UQCC6: variants seen among roughly 807,000 people sequenced by gnomAD.
The protein encoded by UQCC6 is ubiquinol-cytochrome c reductase complex assembly factor 6.
the UQCC6 span, among the ~76,000 whole-genome samples, chr12:103,959,584 C>T: frequency 7.9e-5 from 12 of 151,418 alleles, no homozygotes; most frequent in Non-Finnish European, 1.0e-4. Flanking sequence ...TGGTGGTGTG[C>T]GCCTGTAGTC....
At chr12:103,965,056 A>G in the UQCC6 span, among the ~76,000 whole-genome samples, 72 of 152,346 alleles carry the variant, frequency 4.7e-4, no homozygotes, top group African/African-American at 1.7e-3. Context: ...CTATATGAAT[A>G]AACTCAGGAA....
At chr12:103,964,131 CTTTTTTTTTTTTTTTTTTTTTTTT>C in the UQCC6 span, among the ~76,000 whole-genome samples, 4 of 69,470 alleles carry the variant, frequency 5.8e-5, no homozygotes, top group Non-Finnish European at 7.7e-5. Flanking sequence ...CTCCCATAAG[CTTTTTTTTTTTTTTTTTTTTTTTT>C]TTTTTTTTTT....
At chr12:103,959,648 G>T in the UQCC6 span, among the ~76,000 whole-genome samples, 1 of 151,778 alleles carries the variant, frequency 6.6e-6, no homozygotes, top group African/African-American at 2.4e-5. Flanking sequence ...GGAGGTGGAG[G>T]TTGCAGTGAG....
chr12:103,958,430 C>A, the UQCC6 span, among the ~76,000 whole-genome samples: 8 of 152,262 alleles, frequency 5.3e-5, no homozygotes, highest in African/African-American at 9.6e-5. Flanking sequence ...TCAAAAGTTT[C>A]TTAGTGCTTC....
chr12:103,951,602 C>G, the UQCC6 span: 1 of 1,544,644 alleles, frequency 6.5e-7, no homozygotes, highest in Non-Finnish European at 8.7e-7. Context: ...TTTGAGTTCT[C>G]CACGCTTTGG....
the UQCC6 span, among the ~76,000 whole-genome samples, chr12:103,953,074 G>C: frequency 6.6e-6 from 1 of 152,232 alleles, no homozygotes; most frequent in African/African-American, 2.4e-5. Flanking sequence ...GGAGAGTTCT[G>C]AGAAGAGTGG....
the UQCC6 span, among the ~76,000 whole-genome samples, chr12:103,952,747 G>C: frequency 6.6e-6 from 1 of 152,122 alleles, no homozygotes; most frequent in Admixed American, 6.5e-5. Flanking sequence ...GTTTTGATTT[G>C]CCTTTCTCTG....
At chr12:103,956,489 A>C in the UQCC6 span, 1 of 625,572 alleles carries the variant, frequency 1.6e-6, no homozygotes, top group Non-Finnish European at 2.9e-6. Context: ...ATTTCGTTCA[A>C]GATCACTTTT....
At chr12:103,954,738 C>T in the UQCC6 span, 1 of 518,350 alleles carries the variant, frequency 1.9e-6, no homozygotes, top group Non-Finnish European at 3.4e-6. Flanking sequence ...CAGTAGTTAA[C>T]GTGTCGTGAG....
At chr12:103,962,218 C>G in the UQCC6 span, among the ~76,000 whole-genome samples, 226 of 152,244 alleles carry the variant, frequency 1.5e-3, 2 homozygotes, top group African/African-American at 4.9e-3. Context: ...ATGTTCTGGA[C>G]ACAAGTCCTT....
chr12:103,951,558 T>C, the UQCC6 span: 2 of 1,549,482 alleles, frequency 1.3e-6, no homozygotes, highest in Non-Finnish European at 1.7e-6. Flanking sequence ...ACTTGAGGTT[T>C]GTGTTTTCTT....
At chr12:103,956,412 C>T in the UQCC6 span, 2 of 499,604 alleles carry the variant, frequency 4.0e-6, no homozygotes, top group African/African-American at 3.9e-5. Flanking sequence ...CCTCACAGGC[C>T]ATGCATTGCC....
chr12:103,961,858 C>T, the UQCC6 span, among the ~76,000 whole-genome samples: 1 of 152,150 alleles, frequency 6.6e-6, no homozygotes, highest in Non-Finnish European at 1.5e-5. Flanking sequence ...CCGTGCTGGG[C>T]CTAATACTGT....
At chr12:103,958,040 A>G in the UQCC6 span, among the ~76,000 whole-genome samples, 1 of 144,616 alleles carries the variant, frequency 6.9e-6, no homozygotes, top group South Asian at 2.1e-4. Context: ...ATTTTTAAAT[A>G]TATATGTATA....
chr12:103,956,334 A>G, the UQCC6 span: 3 of 267,712 alleles, frequency 1.1e-5, no homozygotes, highest in African/African-American at 6.6e-5. Context: ...GTGAATGTTA[A>G]CAGGGGAAAG....
chr12:103,956,611 AG>A, the UQCC6 span: 2 of 1,484,728 alleles, frequency 1.3e-6, no homozygotes, highest in Non-Finnish European at 1.8e-6. Flanking sequence ...AAAATAAAAT[AG>A]TAGCCCTCCC....
chr12:103,953,088 G>A, the UQCC6 span, among the ~76,000 whole-genome samples: 3 of 152,212 alleles, frequency 2.0e-5, no homozygotes, highest in Admixed American at 2.0e-4. Flanking sequence ...AGAGTGGCAT[G>A]TCCTCACTCA....
At chr12:103,953,613 A>C in the UQCC6 span, 1 of 701,130 alleles carries the variant, frequency 1.4e-6, no homozygotes. Flanking sequence ...AGAACATATA[A>C]ATGTTAATAA....
the UQCC6 span, among the ~76,000 whole-genome samples, chr12:103,958,435 T>A: frequency 2.6e-5 from 4 of 152,134 alleles, no homozygotes; most frequent in Admixed American, 6.6e-5. Context: ...AGTTTCTTAG[T>A]GCTTCTTTCT....
Sources: gnomAD v4.1 joint callset for allele counts (sites outside exome capture counted in the v4.1 genomes callset) on GRCh38, gnomAD v4.1.1 for gene constraint, MANE v1.5 for transcripts, NCBI Gene and HGNC (gene_info 2026-07-23, HGNC 2026-07-21) for gene names.